The following SLIT2 variants were observed in gnomAD, a reference collection of about 807,000 sequenced individuals.
The protein encoded by SLIT2 is slit guidance ligand 2, also known as slit homolog 2 protein.
A neutral mutation model predicts 185.7 loss-of-function variants in SLIT2; 41 were observed. The observed-to-expected ratio is 0.22, with a 90% confidence interval of 0.17 to 0.29. SLIT2 has a LOEUF of 0.29. Among genes scored for constraint, SLIT2 ranks in the 10% least tolerant of loss-of-function variants. The pLI is 1.00. For synonymous variants in SLIT2, 693 were observed against 680.2 expected (o/e 1.02, Z -0.29); for missense variants, 1,571 against 1,909.0 (o/e 0.82, Z 3.30).
chr4:20,295,577 T>G (rs1716373362), intron 4 of SLIT2, among the ~76,000 whole-genome samples: 1 of 152,154 alleles, frequency 6.6e-6, no homozygotes, highest in Admixed American at 6.5e-5. Context: ...AACCAACTCC[T>G]TCATTGCCAA....
chr4:20,398,389 G>C (rs1212481260), intron 4 of SLIT2, among the ~76,000 whole-genome samples: 1 of 151,804 alleles, frequency 6.6e-6, no homozygotes, highest in Non-Finnish European at 1.5e-5. Context: ...TGGTTCGAGA[G>C]TCCTGAGACA....
chr4:20,467,912 T>A, intron 5 of SLIT2, 89 bp downstream of exon 5: 1 of 651,044 alleles, frequency 1.5e-6, no homozygotes, highest in Non-Finnish European at 2.6e-6. Flanking sequence ...CAGAAAGAAA[T>A]GGTGAAAACC....
chr4:20,444,317 G>A (rs772157486), intron 4 of SLIT2, among the ~76,000 whole-genome samples: 1 of 152,090 alleles, frequency 6.6e-6, no homozygotes, highest in Non-Finnish European at 1.5e-5. Flanking sequence ...CCAGCTGAAA[G>A]TGAACACCCT....
chr4:20,351,065 T>TC (rs397992473), intron 4 of SLIT2, among the ~76,000 whole-genome samples: 1 of 151,644 alleles, frequency 6.6e-6, no homozygotes, highest in Non-Finnish European at 1.5e-5. Flanking sequence ...TTTTTTTTTT[T>TC]GAGACTGAGT....
chr4:20,418,081 T>C (rs1402891834), intron 4 of SLIT2, among the ~76,000 whole-genome samples: 1 of 152,162 alleles, frequency 6.6e-6, no homozygotes, highest in African/African-American at 2.4e-5. Flanking sequence ...TGTCTTAATG[T>C]TGGTATGTAG....
chr4:20,580,066 TA>T lies in SLIT2; in HGVS notation c.3089-9577del, dbSNP rs397879143. Among the ~76,000 whole-genome samples the T allele has an allele frequency of 6.2e-4, 20 of 32,320 alleles. No homozygotes were observed. In the East Asian group the frequency reaches 0.3, roughly 485 times the overall value. The allele number at this position is 32,320 out of a possible 152,430, so 21.2% of individuals were successfully genotyped here. A position where few individuals can be genotyped will look rare whatever the true frequency, so the allele number is the denominator to read the frequency against. ...TATATATTATATATTATGTATATAT[TA>T]TATATATATATATATATTTGAGACC... On this transcript the variant is annotated intron_variant, in intron 29 of 36. Coordinates refer to ENST00000504154, the MANE Select transcript of SLIT2 (RefSeq NM_004787.4).
chr4:20,305,887 TAATAATAATAATA>T (rs1291671382), intron 4 of SLIT2, among the ~76,000 whole-genome samples: 94 of 108,972 alleles, frequency 8.6e-4, no homozygotes, highest in Non-Finnish European at 1.6e-3. Flanking sequence ...ATAATAATAA[TAATAATAATAATA>T]ATAATAATAA....
intron 4 of SLIT2, among the ~76,000 whole-genome samples, chr4:20,362,293 G>T (rs1046115283): frequency 6.6e-6 from 1 of 152,122 alleles, no homozygotes; most frequent in Admixed American, 6.6e-5. Context: ...CACAGGGTGG[G>T]TGAAGGCAGA....
chr4:20,460,295 G>T (rs963145434), intron 4 of SLIT2, among the ~76,000 whole-genome samples: 2 of 152,082 alleles, frequency 1.3e-5, no homozygotes, highest in Non-Finnish European at 2.9e-5. Flanking sequence ...TGTCTAACAG[G>T]AGAGAAAGTT....
chr4:20,258,629 T>G (rs1051840289), intron 3 of SLIT2, among the ~76,000 whole-genome samples: 4 of 151,744 alleles, frequency 2.6e-5, no homozygotes, highest in African/African-American at 9.7e-5. Flanking sequence ...CTTGAGGACT[T>G]TAAAAATGTT....
intron 4 of SLIT2, among the ~76,000 whole-genome samples, chr4:20,304,525 C>T: frequency 6.6e-6 from 1 of 152,072 alleles, no homozygotes; most frequent in East Asian, 1.9e-4. Context: ...GCCAATGAGA[C>T]ATTAGCAAGT....
At chr4:20,555,934 T>C (rs943934789) in intron 26 of SLIT2, among the ~76,000 whole-genome samples, 1 of 152,058 alleles carries the variant, frequency 6.6e-6, no homozygotes, top group African/African-American at 2.4e-5. Context: ...CTCCAAAAAC[T>C]ATGTATACAA....
At chr4:20,369,928 G>GA (rs1239499536) in intron 4 of SLIT2, among the ~76,000 whole-genome samples, 1 of 151,940 alleles carries the variant, frequency 6.6e-6, no homozygotes. Flanking sequence ...TTCTTTCCTC[G>GA]AAAGACTTAG....
chr4:20,577,796 T>C (rs1241822621), intron 29 of SLIT2, among the ~76,000 whole-genome samples: 1 of 152,196 alleles, frequency 6.6e-6, no homozygotes, highest in Non-Finnish European at 1.5e-5. Flanking sequence ...ATGGGAAATG[T>C]ATACTTTTTA....
At chr4:20,607,026 A>G (rs1256859585) in intron 33 of SLIT2, among the ~76,000 whole-genome samples, 1 of 152,190 alleles carries the variant, frequency 6.6e-6, no homozygotes, top group Non-Finnish European at 1.5e-5. Context: ...CTGTTTAGCC[A>G]CTAACTAGAT....
intron 4 of SLIT2, among the ~76,000 whole-genome samples, chr4:20,361,074 C>A (rs1454942097): frequency 6.6e-6 from 1 of 152,112 alleles, no homozygotes; most frequent in Non-Finnish European, 1.5e-5. Flanking sequence ...ATTTACCTTG[C>A]AGGACATCCT....
intron 26 of SLIT2, among the ~76,000 whole-genome samples, chr4:20,555,504 T>C (rs1462338155): frequency 6.6e-6 from 1 of 152,074 alleles, no homozygotes; most frequent in Non-Finnish European, 1.5e-5. Context: ...TTAGATAATA[T>C]AGATAAAAGA....
intron 4 of SLIT2, among the ~76,000 whole-genome samples, chr4:20,280,341 A>G (rs1056784352): frequency 5.3e-4 from 81 of 151,560 alleles, no homozygotes; most frequent in African/African-American, 1.9e-3. Context: ...TCAAAAAAAA[A>G]AAAAAAAAAA....
chr4:20,387,865 T>C (rs1379988647), intron 4 of SLIT2, among the ~76,000 whole-genome samples: 1 of 152,146 alleles, frequency 6.6e-6, no homozygotes, highest in African/African-American at 2.4e-5. Context: ...GACACCCTGA[T>C]TTCAACCCTG....
Sources: gnomAD v4.1 joint callset for allele counts (sites outside exome capture counted in the v4.1 genomes callset) on GRCh38, gnomAD v4.1.1 for gene constraint, MANE v1.5 for transcripts, NCBI Gene and HGNC (gene_info 2026-07-23, HGNC 2026-07-21) for gene names.